LINGO2: variants seen among roughly 807,000 people sequenced by gnomAD.
The protein encoded by LINGO2 is leucine rich repeat and Ig domain containing 2.
A neutral mutation model predicts 30.6 loss-of-function variants in LINGO2; 14 were observed. The ratio of observed to expected loss-of-function variants is 0.46; its 90% CI spans 0.30 to 0.72. The LOEUF is 0.72. LINGO2 is among the 30% of genes least tolerant of loss of function. The pLI is 0.07. For synonymous variants in LINGO2, 317 were observed against 288.5 expected (o/e 1.10, Z -1.00); for missense variants, 729 against 751.7 (o/e 0.97, Z 0.35).
the LINGO2 span, among the ~76,000 whole-genome samples, chr9:28,862,746 C>T: frequency 6.6e-6 from 1 of 151,878 alleles, no homozygotes; most frequent in South Asian, 2.1e-4. Context: ...TATAGTCATA[C>T]CATTGAACTT....
intron 5 of LINGO2, among the ~76,000 whole-genome samples, chr9:27,982,067 T>C (rs1220164558): frequency 2.0e-5 from 3 of 151,812 alleles, no homozygotes; most frequent in Non-Finnish European, 4.4e-5. Flanking sequence ...CCTTCCCTCA[T>C]GAAATTTTAA....
At chr9:28,702,503 T>A in the LINGO2 span, among the ~76,000 whole-genome samples, 3 of 151,906 alleles carry the variant, frequency 2.0e-5, no homozygotes, top group African/African-American at 7.2e-5. Flanking sequence ...TTCTGTTGTA[T>A]AATTCTTTTT....
intron 1 of LINGO2, among the ~76,000 whole-genome samples, chr9:28,580,398 C>G (rs1418145345): frequency 6.6e-6 from 1 of 152,056 alleles, no homozygotes. Flanking sequence ...TACCTTTCAG[C>G]AATGTCACAA....
the LINGO2 span, among the ~76,000 whole-genome samples, chr9:29,210,992 T>G: frequency 1.3e-5 from 2 of 152,224 alleles, no homozygotes; most frequent in African/African-American, 4.8e-5. Flanking sequence ...TGAAAAATAT[T>G]TTTTGCCCTT....
At chr9:28,252,314 C>G (rs997977158) in intron 4 of LINGO2, among the ~76,000 whole-genome samples, 2 of 152,048 alleles carry the variant, frequency 1.3e-5, no homozygotes, top group Non-Finnish European at 2.9e-5. Flanking sequence ...CAACCTCTGC[C>G]TCCCGGGTTC....
the LINGO2 span, among the ~76,000 whole-genome samples, chr9:28,847,850 A>G: frequency 1.7e-3 from 203 of 120,266 alleles, 5 homozygotes; most frequent in African/African-American, 6.4e-3. Context: ...ATACACATAT[A>G]TGTATATATA....
intron 1 of LINGO2, among the ~76,000 whole-genome samples, chr9:28,524,061 T>C (rs1252887970): frequency 6.6e-6 from 1 of 152,158 alleles, no homozygotes; most frequent in Non-Finnish European, 1.5e-5. Flanking sequence ...AGTGTGGTAC[T>C]AGTATAAGTA....
At chr9:28,454,419 G>A (rs990861606) in intron 2 of LINGO2, among the ~76,000 whole-genome samples, 1 of 151,722 alleles carries the variant, frequency 6.6e-6, no homozygotes, top group Non-Finnish European at 1.5e-5. Context: ...TTTCCAAAAG[G>A]GTTGATATAA....
intron 3 of LINGO2, among the ~76,000 whole-genome samples, chr9:28,321,148 T>G (rs572790577): frequency 6.6e-6 from 1 of 152,180 alleles, no homozygotes; most frequent in Non-Finnish European, 1.5e-5. Flanking sequence ...TTTAAAGAAA[T>G]GCTTATCAAA....
chr9:28,254,757 C>G (rs1383368866), intron 4 of LINGO2, among the ~76,000 whole-genome samples: 1 of 151,964 alleles, frequency 6.6e-6, no homozygotes, highest in Non-Finnish European at 1.5e-5. Context: ...ATAGAAATAC[C>G]AAATTTTTTA....
At chr9:28,490,041 G>A (rs762350814) in intron 1 of LINGO2, among the ~76,000 whole-genome samples, 1 of 151,748 alleles carries the variant, frequency 6.6e-6, no homozygotes, top group Non-Finnish European at 1.5e-5. Context: ...AAATCAAAGA[G>A]CAAGAAAGTG....
the LINGO2 span, among the ~76,000 whole-genome samples, chr9:29,183,314 G>T: frequency 2.0e-5 from 3 of 152,128 alleles, no homozygotes; most frequent in African/African-American, 7.2e-5. Context: ...AACAGTGAAA[G>T]AACTATGTCC....
the LINGO2 span, among the ~76,000 whole-genome samples, chr9:28,954,348 A>C: frequency 2.6e-5 from 4 of 152,156 alleles, no homozygotes; most frequent in Non-Finnish European, 4.4e-5. Context: ...TTTGCAGCAA[A>C]TGTGCTTTAT....
At chr9:27,951,957 T>C (rs558803683) in intron 5 of LINGO2, among the ~76,000 whole-genome samples, 1 of 152,196 alleles carries the variant, frequency 6.6e-6, no homozygotes, top group East Asian at 1.9e-4. Flanking sequence ...AATCACTAAA[T>C]CACTAGAAAA....
chr9:28,392,152 G>C (rs1332468048), intron 2 of LINGO2, among the ~76,000 whole-genome samples: 1 of 152,198 alleles, frequency 6.6e-6, no homozygotes, highest in Non-Finnish European at 1.5e-5. Context: ...GCAGTGAGCC[G>C]AGATTGTGCC....
intron 4 of LINGO2, among the ~76,000 whole-genome samples, chr9:28,120,653 G>A (rs1250663691): frequency 6.6e-6 from 1 of 152,016 alleles, no homozygotes; most frequent in Non-Finnish European, 1.5e-5. Context: ...GCAGCAATAT[G>A]GTAATTATTA....
At chr9:28,684,175 CTTTTTTTTTTT>C in the LINGO2 span, among the ~76,000 whole-genome samples, 9 of 45,440 alleles carry the variant, frequency 2.0e-4, no homozygotes, top group Admixed American at 4.3e-4. Flanking sequence ...AAATGTTTAT[CTTTTTTTTTTT>C]TTTTTTTTTT....
chr9:29,121,456 T>G, the LINGO2 span, among the ~76,000 whole-genome samples: 1 of 152,192 alleles, frequency 6.6e-6, no homozygotes, highest in South Asian at 2.1e-4. Context: ...AAAGCAAACA[T>G]TCACATAGGG....
intron 4 of LINGO2, among the ~76,000 whole-genome samples, chr9:28,189,141 A>G (rs1217377378): frequency 1.3e-5 from 2 of 151,958 alleles, no homozygotes; most frequent in Non-Finnish European, 2.9e-5. Context: ...GGTTAGCTTT[A>G]TACACCTTTC....
Sources: allele counts gnomAD v4.1 joint callset (sites outside exome capture counted in the v4.1 genomes callset), GRCh38; gene constraint gnomAD v4.1.1; transcripts MANE v1.5; gene names NCBI Gene and HGNC (gene_info 2026-07-23, HGNC 2026-07-21).